Variants in ARMH4 observed in about 807,000 individuals in gnomAD.
ARMH4 encodes the protein armadillo-like helical domain-containing protein 4.
ARMH4 carries 49 observed loss-of-function variants against 61.9 expected under a neutral mutation model. The observed-to-expected ratio is 0.79, with a 90% CI of 0.63 to 1.00. ARMH4 has a LOEUF of 1.00. ARMH4 is among the 50% of genes least tolerant of loss of function. The pLI is 0.00. For synonymous variants in ARMH4, 368 were observed against 341.5 expected (o/e 1.08, Z -0.85); for missense variants, 934 against 930.0 (o/e 1.00, Z -0.06).
chr14:58,124,975 A>G (rs1006234570), intron 4 of ARMH4, among the ~76,000 whole-genome samples: 1 of 152,232 alleles, frequency 6.6e-6, no homozygotes, highest in Admixed American at 6.5e-5. Context: ...ATGCAGCAAT[A>G]TGGAGAGAAA....
intron 5 of ARMH4, among the ~76,000 whole-genome samples, chr14:58,044,645 A>C (rs146083729): frequency 0.53 from 80,574 of 151,860 alleles, 21,560 homozygotes; most frequent in East Asian, 0.68. Context: ...AGCTTCTGCA[A>C]AGCAAAAGAA....
intron 4 of ARMH4, among the ~76,000 whole-genome samples, chr14:58,122,103 G>A (rs888681209): frequency 1.3e-5 from 2 of 152,182 alleles, no homozygotes; most frequent in South Asian, 2.1e-4. Context: ...GCCAATACTC[G>A]TGCCCATTCT....
intron 5 of ARMH4, among the ~76,000 whole-genome samples, chr14:58,051,092 G>A (rs764538210): frequency 6.0e-5 from 9 of 151,028 alleles, no homozygotes; most frequent in Non-Finnish European, 1.2e-4. Flanking sequence ...GCACCCATAC[G>A]AGATTCAAGG....
chr14:58,110,943 G>A (rs547843314), intron 4 of ARMH4, among the ~76,000 whole-genome samples: 5 of 151,816 alleles, frequency 3.3e-5, no homozygotes, highest in South Asian at 2.1e-4. Flanking sequence ...TAGGAGAGAC[G>A]GGGTTTTACC....
At chr14:58,046,697 C>T (rs1883958366) in intron 5 of ARMH4, among the ~76,000 whole-genome samples, 1 of 152,182 alleles carries the variant, frequency 6.6e-6, no homozygotes, top group Admixed American at 6.5e-5. Flanking sequence ...TCTTTTACCA[C>T]CTTCTTAGCA....
intron 5 of ARMH4, among the ~76,000 whole-genome samples, chr14:58,014,912 T>A (rs749870471): frequency 2.6e-5 from 4 of 151,958 alleles, no homozygotes; most frequent in Non-Finnish European, 5.9e-5. Flanking sequence ...TATTATACAA[T>A]AAATAGGGCA....
At chr14:58,032,255 G>C (rs1052091039) in intron 5 of ARMH4, among the ~76,000 whole-genome samples, 8 of 152,242 alleles carry the variant, frequency 5.3e-5, no homozygotes, top group African/African-American at 1.7e-4. Context: ...GACACTACTG[G>C]TTAAATCAAT....
intron 4 of ARMH4, chr14:58,116,632 C>T (rs185003582): frequency 1.8e-4 from 29 of 160,322 alleles, no homozygotes; most frequent in Non-Finnish European, 3.9e-4. Flanking sequence ...GCTATGATTG[C>T]GCCACTGTAC....
At position 58,001,873 on chromosome 14, in the gene ARMH4, G is replaced by C; in HGVS notation, c.*2863C>G. 6.6e-6 allele frequency: 1 copy of C among 152,050 alleles called. No homozygotes were observed. The highest frequency in any genetic ancestry group is 1.5e-5 in the Non-Finnish European group (1 of 68,030). The allele number at this position is 152,050 out of a possible 1,614,324, so 9.4% of individuals were successfully genotyped here. On this transcript the variant is annotated 3_prime_UTR_variant, in exon 8 of 8. Coordinates refer to ENST00000267485, the MANE Select transcript of ARMH4 (RefSeq NM_001001872.4). The stretch of plus-strand genomic sequence containing the variant: ...AGAAGAAGACCTAGTTCCTGCCCCT[G>C]CGGTGGGATGCTGGCAGTTCTGGCT...
At chr14:58,080,096 A>G (rs1283117497) in intron 5 of ARMH4, among the ~76,000 whole-genome samples, 1 of 149,808 alleles carries the variant, frequency 6.7e-6, no homozygotes, top group Non-Finnish European at 1.5e-5. Context: ...CTTTGTCACT[A>G]TCATTAAGAT....
At chr14:58,009,287 A>C (rs961602650) in intron 6 of ARMH4, among the ~76,000 whole-genome samples, 4 of 152,160 alleles carry the variant, frequency 2.6e-5, no homozygotes, top group Admixed American at 2.6e-4. Context: ...TAAGAATGAC[A>C]GTGCTTTTAT....
intron 4 of ARMH4, among the ~76,000 whole-genome samples, chr14:58,097,456 T>G (rs1284987003): frequency 6.6e-6 from 1 of 152,168 alleles, no homozygotes; most frequent in African/African-American, 2.4e-5. Flanking sequence ...TGAGTAGAAC[T>G]CACAAAAATG....
chr14:58,031,720 G>C (rs1354841962), intron 5 of ARMH4, among the ~76,000 whole-genome samples: 3 of 152,234 alleles, frequency 2.0e-5, no homozygotes, highest in African/African-American at 7.2e-5. Flanking sequence ...TTGAAATTCA[G>C]GGCCCAGTCA....
chr14:58,030,511 G>A (rs912045568), intron 5 of ARMH4, among the ~76,000 whole-genome samples: 3 of 152,200 alleles, frequency 2.0e-5, no homozygotes, highest in East Asian at 1.9e-4. Flanking sequence ...TTTCAAGTAT[G>A]TAATTCAGTG....
At chr14:58,111,112 G>A (rs974090310) in intron 4 of ARMH4, among the ~76,000 whole-genome samples, 7 of 152,108 alleles carry the variant, frequency 4.6e-5, no homozygotes, top group African/African-American at 1.2e-4. Context: ...ATGTGTGATT[G>A]AAGATAACAT....
chr14:58,143,906 T>A (rs1056240984), intron 1 of ARMH4, among the ~76,000 whole-genome samples: 23 of 151,752 alleles, frequency 1.5e-4, no homozygotes, highest in Middle Eastern at 3.4e-3. Context: ...CCTAAGTAGC[T>A]GGGATTACAG....
At chr14:58,105,199 A>C (rs1886131385) in intron 4 of ARMH4, among the ~76,000 whole-genome samples, 1 of 152,242 alleles carries the variant, frequency 6.6e-6, no homozygotes, top group Admixed American at 6.5e-5. Flanking sequence ...TAAAGAACTC[A>C]ATCAAATAAC....
chr14:58,111,325 T>C (rs1886345672), intron 4 of ARMH4, among the ~76,000 whole-genome samples: 2 of 152,160 alleles, frequency 1.3e-5, no homozygotes, highest in Admixed American at 1.3e-4. Context: ...CATATCATCA[T>C]CTTAAAAGGT....
At chr14:58,148,172 G>A (rs867953192) in intron 1 of ARMH4, among the ~76,000 whole-genome samples, 2 of 152,034 alleles carry the variant, frequency 1.3e-5, no homozygotes, top group Non-Finnish European at 2.9e-5. Flanking sequence ...TCAGCCTCCC[G>A]AGTAGCTAGG....
Sources: allele counts gnomAD v4.1 joint callset (sites outside exome capture counted in the v4.1 genomes callset), GRCh38; gene constraint gnomAD v4.1.1; transcripts MANE v1.5; gene names NCBI Gene and HGNC (gene_info 2026-07-23, HGNC 2026-07-21).